DTHD1: variants seen among roughly 807,000 people sequenced by gnomAD.
The protein encoded by DTHD1 is death domain containing 1.
In DTHD1, 59 loss-of-function variants were observed where a neutral mutation model predicts 74.8. The observed-to-expected ratio is 0.79, with a 90% CI of 0.64 to 0.98. The LOEUF is 0.98. Ranked by LOEUF, DTHD1 falls within the 50% of genes least tolerant of loss-of-function variation. The probability of loss-of-function intolerance (pLI) is 0.00; values close to 1 mark genes in which losing one functional copy is unlikely to be tolerated. For synonymous variants in DTHD1, 365 were observed against 371.1 expected (o/e 0.98, Z 0.19); for missense variants, 1,051 against 1,065.4 (o/e 0.99, Z 0.19).
intron 8 of DTHD1, 76 bp from the exon 9 acceptor site, chr4:36,339,036 C>T: frequency 8.5e-7 from 1 of 1,172,272 alleles, no homozygotes; most frequent in Non-Finnish European, 1.2e-6. Flanking sequence ...AGATGATGTT[C>T]AGATGAATTT....
At chr4:36,339,082 T>A (rs749602529) in intron 8 of DTHD1, 30 bp from the exon 9 acceptor site, 2 of 1,513,496 alleles carry the variant, frequency 1.3e-6, no homozygotes, top group East Asian at 4.9e-5. Flanking sequence ...TTACTTCTTC[T>A]GTTTATTTTG....
intron 9 of DTHD1, among the ~76,000 whole-genome samples, chr4:36,341,264 A>G (rs577902675): frequency 6.6e-6 from 1 of 152,298 alleles, no homozygotes; most frequent in East Asian, 1.9e-4. Flanking sequence ...GAGTGTTTAT[A>G]GGAAGCAAGG....
intron 4 of DTHD1, 110 bp from the exon 5 acceptor site, chr4:36,294,685 A>T (rs1756280252): frequency 3.0e-6 from 3 of 997,156 alleles, no homozygotes; most frequent in Non-Finnish European, 4.1e-6. Context: ...ATACATAGAG[A>T]AATGTATAAA....
At chr4:36,282,076 T>C (rs1454377140) in intron 1 of DTHD1, 47 bp downstream of exon 1, 48 of 1,470,984 alleles carry the variant, frequency 3.3e-5, no homozygotes, top group Non-Finnish European at 4.4e-5. Context: ...GAAATATTGA[T>C]TAGGGCAAGA....
chr4:36,323,771 A>G (rs1758173809), intron 8 of DTHD1, among the ~76,000 whole-genome samples: 1 of 152,076 alleles, frequency 6.6e-6, no homozygotes, highest in Non-Finnish European at 1.5e-5. Context: ...TTGGTGCATC[A>G]TGTCCCTTCC....
At chr4:36,302,083 C>T (rs920312056) in intron 5 of DTHD1, among the ~76,000 whole-genome samples, 1 of 152,174 alleles carries the variant, frequency 6.6e-6, no homozygotes, top group Non-Finnish European at 1.5e-5. Flanking sequence ...GGAGCTCAAG[C>T]TCAGGGTGGA....
intron 2 of DTHD1, among the ~76,000 whole-genome samples, chr4:36,286,640 T>C (rs950690777): frequency 6.6e-6 from 1 of 152,192 alleles, no homozygotes; most frequent in African/African-American, 2.4e-5. Context: ...AAATGGATGG[T>C]TGGGTGATTT....
chr4:36,340,650 C>T (rs1276655967), intron 9 of DTHD1, among the ~76,000 whole-genome samples: 2 of 152,136 alleles, frequency 1.3e-5, no homozygotes, highest in African/African-American at 4.8e-5. Flanking sequence ...TTTGTATTGG[C>T]TGTAGAATAC....
chr4:36,298,289 CTT>C (rs1284088545), intron 5 of DTHD1, among the ~76,000 whole-genome samples: 2 of 152,174 alleles, frequency 1.3e-5, no homozygotes, highest in South Asian at 2.1e-4. Flanking sequence ...CATGTCATGA[CTT>C]AGCACAATTG....
chr4:36,305,388 A>G (rs1756983879), intron 5 of DTHD1, among the ~76,000 whole-genome samples: 1 of 152,064 alleles, frequency 6.6e-6, no homozygotes, highest in Non-Finnish European at 1.5e-5. Flanking sequence ...AAGGCAAGAG[A>G]GAATGAGAGC....
chr4:36,313,087 T>C (rs1248676069), intron 7 of DTHD1, among the ~76,000 whole-genome samples: 1 of 152,220 alleles, frequency 6.6e-6, no homozygotes, highest in Admixed American at 6.5e-5. Context: ...TTTTTAAATA[T>C]GACTTCCCTA....
chr4:36,291,339 A>G (rs918741791), intron 3 of DTHD1, among the ~76,000 whole-genome samples: 73 of 152,222 alleles, frequency 4.8e-4, no homozygotes, highest in Non-Finnish European at 1.5e-4. Context: ...AGAGATAAAC[A>G]TGATAATAGT....
chr4:36,318,298 G>A (rs374832947), intron 8 of DTHD1, among the ~76,000 whole-genome samples: 19 of 152,264 alleles, frequency 1.2e-4, no homozygotes, highest in African/African-American at 3.6e-4. Context: ...AGGGCATCCA[G>A]GTACACCTTT....
Position 36,346,654 on chromosome 4 carries a change from C to A in DTHD1, c.*2830C>A, listed in dbSNP as rs1759602898. On this transcript the variant is annotated 3_prime_UTR_variant, in exon 10 of 10. Coordinates refer to ENST00000639862, the MANE Select transcript of DTHD1 (RefSeq NM_001170700.3). ...CCATTTCTCTGTCTGGTGAGCCAACCTGTATGGACCACATCAGAGATGCCT... is the reference window on the plus strand; with the variant it reads ...CCATTTCTCTGTCTGGTGAGCCAACATGTATGGACCACATCAGAGATGCCT... 6.6e-6 allele frequency among the ~76,000 whole-genome samples: 1 copy of A among 152,048 alleles called. No individual in the cohort carries two copies. Among genetic ancestry groups the A allele is most frequent in the African/African-American group, 2.4e-5 (1 of 41,500 alleles).
intron 8 of DTHD1, among the ~76,000 whole-genome samples, chr4:36,334,889 T>C (rs542602498): frequency 6.1e-4 from 93 of 152,190 alleles, no homozygotes; most frequent in Non-Finnish European, 1.2e-3. Context: ...TGATTGTCCA[T>C]GGAGGGCCAT....
chr4:36,315,326 A>T (rs949896352), intron 7 of DTHD1, among the ~76,000 whole-genome samples: 1 of 152,240 alleles, frequency 6.6e-6, no homozygotes, highest in African/African-American at 2.4e-5. Flanking sequence ...TCAGGTTTTC[A>T]TAGAAATTTC....
chr4:36,332,030 T>TA (rs1240016946), intron 8 of DTHD1, among the ~76,000 whole-genome samples: 1 of 151,932 alleles, frequency 6.6e-6, no homozygotes, highest in African/African-American at 2.4e-5. Flanking sequence ...GCCTGTAACC[T>TA]AAGCACTTTG....
intron 5 of DTHD1, among the ~76,000 whole-genome samples, chr4:36,298,943 A>AATAT (rs1756600161): frequency 6.6e-6 from 1 of 152,154 alleles, no homozygotes; most frequent in Non-Finnish European, 1.5e-5. Flanking sequence ...ATATTTATAA[A>AATAT]ATATATGTAA....
intron 7 of DTHD1, among the ~76,000 whole-genome samples, chr4:36,314,475 G>T (rs1478387426): frequency 7.4e-6 from 1 of 134,592 alleles, no homozygotes; most frequent in Non-Finnish European, 1.5e-5. Flanking sequence ...GAGAGTTCGA[G>T]ACCAGCCTGA....
Sources: gnomAD v4.1 joint callset for allele counts (sites outside exome capture counted in the v4.1 genomes callset) on GRCh38, gnomAD v4.1.1 for gene constraint, MANE v1.5 for transcripts, NCBI Gene and HGNC (gene_info 2026-07-23, HGNC 2026-07-21) for gene names.